Variants in ROBO1 observed in about 807,000 individuals in gnomAD.
ROBO1 encodes the protein roundabout guidance receptor 1.
ROBO1 carries 149 observed loss-of-function variants against 195.9 expected under a neutral mutation model. That is an observed-to-expected ratio of 0.76 (90% CI 0.67 to 0.87). ROBO1 has a LOEUF of 0.87. Ranked by LOEUF, ROBO1 falls within the 40% of genes least tolerant of loss-of-function variation. ROBO1 has a pLI of 0.00. For synonymous variants in ROBO1, 816 were observed against 733.2 expected (o/e 1.11, Z -1.82); for missense variants, 1,933 against 2,068.3 (o/e 0.93, Z 1.27).
intron 3 of ROBO1, among the ~76,000 whole-genome samples, chr3:78,976,158 C>T (rs1031524661): frequency 3.3e-5 from 5 of 152,082 alleles, no homozygotes; most frequent in Non-Finnish European, 4.4e-5. Flanking sequence ...CTCCAGAAAG[C>T]GCAGTCTCAA....
intron 1 of ROBO1, among the ~76,000 whole-genome samples, chr3:79,693,763 A>T (rs189735435): frequency 6.6e-6 from 1 of 151,834 alleles, no homozygotes; most frequent in African/African-American, 2.4e-5. Context: ...ATGAGGACAC[A>T]AATCTAAGAT....
At chr3:78,885,442 A>AC (rs1243098445) in intron 4 of ROBO1, among the ~76,000 whole-genome samples, 8 of 140,006 alleles carry the variant, frequency 5.7e-5, no homozygotes, top group South Asian at 2.2e-4. Flanking sequence ...AAAAAAAAAA[A>AC]CTGAGAGTTC....
chr3:79,382,487 T>C (rs986552460), intron 2 of ROBO1, among the ~76,000 whole-genome samples: 8 of 152,138 alleles, frequency 5.3e-5, no homozygotes, highest in Non-Finnish European at 1.0e-4. Context: ...CAGACAACTA[T>C]TACATTATAA....
intron 4 of ROBO1, among the ~76,000 whole-genome samples, chr3:78,866,490 C>A (rs371220109): frequency 6.6e-6 from 1 of 152,122 alleles, no homozygotes; most frequent in African/African-American, 2.4e-5. Flanking sequence ...CCCTTCTTTC[C>A]ATTCGCACCC....
intron 3 of ROBO1, among the ~76,000 whole-genome samples, chr3:78,997,603 T>C (rs2077399660): frequency 6.6e-6 from 1 of 152,106 alleles, no homozygotes; most frequent in African/African-American, 2.4e-5. Context: ...TTATTCAAAA[T>C]GTGGAGTGGA....
At chr3:79,023,551 C>T (rs1393190249) in intron 3 of ROBO1, among the ~76,000 whole-genome samples, 1 of 152,008 alleles carries the variant, frequency 6.6e-6, no homozygotes, top group Non-Finnish European at 1.5e-5. Context: ...TGTTTGTTTG[C>T]TTCTCTGCTA....
intron 2 of ROBO1, among the ~76,000 whole-genome samples, chr3:79,302,149 G>T (rs1442487696): frequency 6.6e-6 from 1 of 152,160 alleles, no homozygotes; most frequent in South Asian, 2.1e-4. Context: ...AACTATACAC[G>T]CTATCCACAT....
intron 2 of ROBO1, among the ~76,000 whole-genome samples, chr3:79,351,795 T>A (rs2035353422): frequency 6.6e-6 from 1 of 151,576 alleles, no homozygotes; most frequent in African/African-American, 2.4e-5. Flanking sequence ...TCTTTCTTTC[T>A]TTTTTTTTCT....
At chr3:79,002,481 G>C (rs538598638) in intron 3 of ROBO1, among the ~76,000 whole-genome samples, 3 of 152,050 alleles carry the variant, frequency 2.0e-5, no homozygotes, top group Non-Finnish European at 4.4e-5. Flanking sequence ...CTCATTTACA[G>C]ATAAGGAAGA....
At chr3:79,145,372 TACACACAC>T (rs71127376) in intron 2 of ROBO1, among the ~76,000 whole-genome samples, 11 of 72,960 alleles carry the variant, frequency 1.5e-4, no homozygotes, top group Admixed American at 9.3e-4. Flanking sequence ...CACACACACA[TACACACAC>T]ACACACACAC....
At chr3:79,229,167 T>C (rs1189336328) in intron 2 of ROBO1, among the ~76,000 whole-genome samples, 7 of 152,176 alleles carry the variant, frequency 4.6e-5, no homozygotes, top group Admixed American at 3.3e-4. Context: ...TTACAGGAAA[T>C]TAAGTATGCA....
intron 1 of ROBO1, among the ~76,000 whole-genome samples, chr3:79,642,642 AC>A (rs1576166545): frequency 6.6e-6 from 1 of 152,172 alleles, no homozygotes; most frequent in Non-Finnish European, 1.5e-5. Context: ...ATATTGCTAT[AC>A]AAAAATACTG....
chr3:78,878,699 A>T (rs1189595328), intron 4 of ROBO1, among the ~76,000 whole-genome samples: 1 of 151,834 alleles, frequency 6.6e-6, no homozygotes, highest in Non-Finnish European at 1.5e-5. Flanking sequence ...TAAAAAAGTT[A>T]ACAGTATCAT....
At chr3:78,842,743 T>C (rs1237941541) in intron 4 of ROBO1, among the ~76,000 whole-genome samples, 5 of 151,670 alleles carry the variant, frequency 3.3e-5, no homozygotes, top group Non-Finnish European at 7.4e-5. Flanking sequence ...AAATGAGAAC[T>C]ATCTTGCCTT....
rs1560113255 is a variant in ROBO1, at chr3:79,701,730, A to G, written c.-51+66022T>C. 4.0e-5 allele frequency among the ~76,000 whole-genome samples: 6 copies of G among 151,872 alleles called. No homozygotes were observed. In the South Asian group the frequency reaches 1.0e-3, roughly 26 times the overall value. On this transcript the variant is annotated intron_variant, in intron 1 of 30. Transcript: ENST00000464233. ...GGATATTGAGTGATTGTCTAGCACC[A>G]AGTGAGATGTACATGTAACATATGC...
chr3:79,360,386 A>G (rs1319893740), intron 2 of ROBO1, among the ~76,000 whole-genome samples: 1 of 151,998 alleles, frequency 6.6e-6, no homozygotes, highest in Non-Finnish European at 1.5e-5. Flanking sequence ...ACATTAGTTG[A>G]TAAAATTATT....
intron 3 of ROBO1, among the ~76,000 whole-genome samples, chr3:78,993,161 T>C (rs768697400): frequency 6.6e-6 from 1 of 152,164 alleles, no homozygotes; most frequent in Non-Finnish European, 1.5e-5. Context: ...GTAAAATTAG[T>C]TCACACTTGT....
At chr3:78,719,336 G>A (rs1353238400) in intron 5 of ROBO1, among the ~76,000 whole-genome samples, 2 of 151,916 alleles carry the variant, frequency 1.3e-5, no homozygotes, top group African/African-American at 2.4e-5. Flanking sequence ...GTGTTAAATT[G>A]TTTTATTTTT....
intron 1 of ROBO1, among the ~76,000 whole-genome samples, chr3:79,706,617 T>C (rs1481352661): frequency 6.6e-6 from 1 of 152,126 alleles, no homozygotes; most frequent in African/African-American, 2.4e-5. Flanking sequence ...CATGCTGTTC[T>C]CATGATAGTA....
Sources: gnomAD v4.1 joint callset for allele counts (sites outside exome capture counted in the v4.1 genomes callset) on GRCh38, gnomAD v4.1.1 for gene constraint, MANE v1.5 for transcripts, NCBI Gene and HGNC (gene_info 2026-07-23, HGNC 2026-07-21) for gene names.